The following EDA variants were observed in gnomAD, a reference collection of about 807,000 sequenced individuals.
EDA encodes ectodysplasin-A.
EDA carries 2 observed loss-of-function variants against 23.6 expected under a neutral mutation model. The observed-to-expected ratio is 0.08, with a 90% CI of 0.03 to 0.27. The LOEUF (loss-of-function observed/expected upper bound fraction) is 0.27. EDA is among the 10% of genes least tolerant of loss of function. The pLI, the probability that EDA is intolerant of heterozygous loss-of-function variation, is 1.00. For missense variants in EDA, 229 were observed against 324.2 expected (o/e 0.71, Z 2.26); for synonymous variants, 131 against 132.0 (o/e 0.99, Z 0.05).
intron 1 of EDA, among the ~76,000 whole-genome samples, chrX:69,934,649 G>A (rs975519336): frequency 9.0e-6 from 1 of 110,669 alleles, no homozygotes; most frequent in African/African-American, 3.3e-5. Flanking sequence ...TGAGTACATA[G>A]TAGGTATATA....
intron 2 of EDA, among the ~76,000 whole-genome samples, chrX:70,022,138 A>G (rs1263514065): frequency 9.1e-6 from 1 of 110,015 alleles, no homozygotes; most frequent in East Asian, 2.8e-4. Flanking sequence ...AAGGGAAAAA[A>G]AAAATGACTG....
At chrX:69,684,230 G>A (rs1364808718) in intron 1 of EDA, among the ~76,000 whole-genome samples, 1 of 111,720 alleles carries the variant, frequency 9.0e-6, no homozygotes. Flanking sequence ...ATTTAGAAAT[G>A]TTAACAAGGC....
intron 1 of EDA, among the ~76,000 whole-genome samples, chrX:69,747,032 T>A (rs993662463): frequency 8.9e-6 from 1 of 111,959 alleles, no homozygotes; most frequent in South Asian, 3.7e-4. Context: ...TTCTAGGCAC[T>A]GGAGATAGAG....
In EDA at chrX:69,702,588, A is replaced by G. The variant is rs191186917; in HGVS notation, c.396+85884A>G. Among the ~76,000 whole-genome samples the G allele has an allele frequency of 2.2e-3, 247 of 109,779 alleles. 2 individuals are homozygous for G. The highest frequency in any genetic ancestry group is 7.9e-3 in the African/African-American group (237 of 30,108). ...GATAAAGAGGAGGCTTGGGGGACTAAAGGTGGTTGAGAGAGAGAGGAGGGG... is the reference window on the plus strand; with the variant it reads ...GATAAAGAGGAGGCTTGGGGGACTAGAGGTGGTTGAGAGAGAGAGGAGGGG... On this transcript the variant is annotated intron_variant, in intron 1 of 7. Coordinates refer to ENST00000374552, the MANE Select transcript of EDA (RefSeq NM_001399.5).
chrX:69,920,958 ATTT>A (rs2018421923), intron 1 of EDA, among the ~76,000 whole-genome samples: 2 of 108,501 alleles, frequency 1.8e-5, no homozygotes, highest in Non-Finnish European at 3.8e-5. Flanking sequence ...CTATTTATTT[ATTT>A]ATTTATTTAT....
intron 1 of EDA, among the ~76,000 whole-genome samples, chrX:69,723,466 C>G (rs761174063): frequency 1.8e-5 from 2 of 112,009 alleles, no homozygotes; most frequent in African/African-American, 3.2e-5. Context: ...CTTGAACTTT[C>G]TGAACAGGAA....
At chrX:69,880,372 C>T (rs1288707381) in intron 1 of EDA, among the ~76,000 whole-genome samples, 1 of 112,195 alleles carries the variant, frequency 8.9e-6, no homozygotes, top group African/African-American at 3.2e-5. Context: ...GGAGATAGCT[C>T]ATCCCAGAGA....
intron 1 of EDA, among the ~76,000 whole-genome samples, chrX:69,734,508 C>T (rs1220854626): frequency 9.0e-6 from 1 of 111,387 alleles, no homozygotes; most frequent in East Asian, 2.8e-4. Context: ...TTAGTGTTTT[C>T]AGTAGGGAGG....
chrX:69,997,810 G>A lies in EDA; in HGVS notation c.503-25408G>A, dbSNP rs962888548. Among the ~76,000 whole-genome samples the A allele has an allele frequency of 3.6e-4, 41 of 112,595 alleles. 1 individual carries two copies. The highest frequency in any genetic ancestry group is 8.4e-4 in the Admixed American group (9 of 10,707). ...GAGCCAACATAGAGCTTAGGCCATA[G>A]CTTCAGAGGTTGCAAGCCCCAAGCC... On this transcript the variant is annotated intron_variant, in intron 2 of 7. Transcript: ENST00000374552.
At chrX:69,977,068 C>T (rs1158981685) in intron 2 of EDA, among the ~76,000 whole-genome samples, 1 of 111,644 alleles carries the variant, frequency 9.0e-6, no homozygotes, top group Non-Finnish European at 1.9e-5. Context: ...AGGAAACACA[C>T]CAATGAATTT....
intron 1 of EDA, among the ~76,000 whole-genome samples, chrX:69,852,060 G>A (rs2017148286): frequency 8.9e-6 from 1 of 112,000 alleles, no homozygotes; most frequent in African/African-American, 3.2e-5. Context: ...CTATCATTAT[G>A]CAAAACTGAA....
chrX:69,855,966 G>T (rs1262444956), intron 1 of EDA, among the ~76,000 whole-genome samples: 1 of 110,147 alleles, frequency 9.1e-6, no homozygotes, highest in Admixed American at 9.8e-5. Context: ...CTTTAGTGAT[G>T]ATTTCTGAGA....
At chrX:69,830,921 A>G (rs979756212) in intron 1 of EDA, among the ~76,000 whole-genome samples, 2 of 111,686 alleles carry the variant, frequency 1.8e-5, no homozygotes, top group African/African-American at 6.5e-5. Flanking sequence ...AGGGTTCCAT[A>G]GCCAAAGAAG....
chrX:69,616,226 G>C lies in EDA; in HGVS notation c.-83G>C. 1.8e-6 allele frequency: 2 copies of C among 1,095,902 alleles called. No individual in the cohort carries two copies. The highest frequency in any genetic ancestry group is 2.4e-6 in the Non-Finnish European group (2 of 823,119). 90.3% of individuals were successfully genotyped at this position (1,095,902 alleles called of 1,213,427 possible). A position where few individuals can be genotyped will look rare whatever the true frequency, so the allele number is the denominator to read the frequency against. On this transcript the variant is annotated 5_prime_UTR_variant, in exon 1 of 8. Coordinates refer to ENST00000374552, the MANE Select transcript of EDA (RefSeq NM_001399.5). ...GCAGCCCCCAGCCGATGGCAGGACA[G>C]TAGCCGCCTGTCAGAGGTCGTGAAC...
intron 1 of EDA, among the ~76,000 whole-genome samples, chrX:69,702,795 G>A (rs971265884): frequency 4.5e-5 from 5 of 111,354 alleles, no homozygotes; most frequent in Non-Finnish European, 7.5e-5. Flanking sequence ...TTTTCCAGCC[G>A]TCAGCAATAA....
chrX:69,828,879 G>T (rs1231920503), intron 1 of EDA, among the ~76,000 whole-genome samples: 4 of 112,186 alleles, frequency 3.6e-5, no homozygotes, highest in Admixed American at 1.9e-4. Context: ...GTACCCTTCA[G>T]TTCTTTCTGT....
At chrX:69,662,690 A>G (rs924333836) in intron 1 of EDA, among the ~76,000 whole-genome samples, 1 of 112,348 alleles carries the variant, frequency 8.9e-6, no homozygotes, top group Non-Finnish European at 1.9e-5. Flanking sequence ...AGCACTCAGA[A>G]GAAGTCAGGA....
At chrX:70,022,632 G>C (rs532904229) in intron 2 of EDA, among the ~76,000 whole-genome samples, 1 of 110,948 alleles carries the variant, frequency 9.0e-6, no homozygotes, top group African/African-American at 3.3e-5. Context: ...CACCACCCCC[G>C]GCCGACATTT....
chrX:69,997,610 A>G (rs372929457), intron 2 of EDA, among the ~76,000 whole-genome samples: 253 of 112,877 alleles, frequency 2.2e-3, no homozygotes, highest in African/African-American at 7.5e-3. Flanking sequence ...CCCCAAGACA[A>G]TGGGGAAAAT....
Sources: allele counts gnomAD v4.1 joint callset (sites outside exome capture counted in the v4.1 genomes callset), GRCh38; gene constraint gnomAD v4.1.1; transcripts MANE v1.5; gene names NCBI Gene and HGNC (gene_info 2026-07-23, HGNC 2026-07-21).